ADGRB3: variants seen among roughly 807,000 people sequenced by gnomAD.
ADGRB3 encodes adhesion G protein-coupled receptor B3, also known as brain-specific angiogenesis inhibitor 3.
Under a neutral mutation model 193.4 loss-of-function variants are expected in ADGRB3, and 37 were observed. That is an observed-to-expected ratio of 0.19 (90% confidence interval 0.15 to 0.25). The LOEUF (loss-of-function observed/expected upper bound fraction) is 0.25. ADGRB3 is among the 10% of genes least tolerant of loss of function. The pLI is 1.00. For synonymous variants in ADGRB3, 690 were observed against 644.2 expected (o/e 1.07, Z -1.08); for missense variants, 1,637 against 1,852.9 (o/e 0.88, Z 2.14).
At chr6:69,327,673 C>A (rs938483605) in intron 21 of ADGRB3, 147 bp from the exon 22 acceptor site, 2 of 510,434 alleles carry the variant, frequency 3.9e-6, no homozygotes, top group South Asian at 6.2e-5. Flanking sequence ...TGAAAGAAAT[C>A]CTGTAATAGA....
At chr6:69,044,028 G>C (rs1046822865) in intron 13 of ADGRB3, among the ~76,000 whole-genome samples, 5 of 152,058 alleles carry the variant, frequency 3.3e-5, no homozygotes, top group African/African-American at 1.2e-4. Flanking sequence ...GCGACAGAGC[G>C]AGACTCCGTC....
chr6:69,266,798 G>GTA (rs1258416158), intron 20 of ADGRB3, among the ~76,000 whole-genome samples: 1 of 151,982 alleles, frequency 6.6e-6, no homozygotes, highest in Non-Finnish European at 1.5e-5. Context: ...GCATGCCATA[G>GTA]TAAACTACAT....
chr6:69,140,424 G>A (rs1041958248), intron 17 of ADGRB3, among the ~76,000 whole-genome samples: 1 of 152,120 alleles, frequency 6.6e-6, no homozygotes, highest in Non-Finnish European at 1.5e-5. Context: ...ATTTGTGGAA[G>A]CTAAAAATTA....
Position 68,638,716 on chromosome 6 carries a change from C to A in ADGRB3, c.41C>A (p.Thr14Asn), listed in dbSNP as rs763907015. 1.2e-6 allele frequency: 2 copies of A among 1,614,032 alleles called. No homozygotes were observed. The highest frequency in any genetic ancestry group is 1.1e-5 in the South Asian group (1 of 91,072). The change falls in exon 3 of 32, where the codon ACC becomes AAC. Residue 14 changes from threonine to asparagine, a missense_variant. Thr to Asn is a moderately conservative substitution (Grantham distance 65, BLOSUM62 0). Coordinates refer to ENST00000370598, the MANE Select transcript of ADGRB3 (RefSeq NM_001704.3). ...AACCTGCTGATTTATATATTTTCCA[C>A]CTATCTCCTGGTTATGTTTGGATTT... ...VRNLLIYIFS[T>N]YLLVMFGFNA...
chr6:69,220,301 T>C (rs192555668), intron 17 of ADGRB3, among the ~76,000 whole-genome samples: 3 of 152,288 alleles, frequency 2.0e-5, no homozygotes, highest in African/African-American at 7.2e-5. Flanking sequence ...TATTATCCAA[T>C]ACTTCTTCTG....
chr6:69,278,071 T>C (rs1767340218), intron 20 of ADGRB3, among the ~76,000 whole-genome samples: 1 of 152,232 alleles, frequency 6.6e-6, no homozygotes. Flanking sequence ...TTCTTCTTAT[T>C]GATTCTTTCT....
Position 68,638,996 on chromosome 6 carries a change from T to C in ADGRB3, c.321T>C (p.Ser107=). 1 of 1,613,674 alleles carries C rather than the reference T, an allele frequency of 6.2e-7. No homozygotes were observed. The highest frequency in any genetic ancestry group is 8.5e-7 in the Non-Finnish European group (1 of 1,179,906). Reference sequence around the variant, plus strand: ...AGGATCTTTTAAGAAAGAATCATTCTATAATGCAACTCTGCAATTCCAAGA... The same window carrying C: ...AGGATCTTTTAAGAAAGAATCATTCCATAATGCAACTCTGCAATTCCAAGA... ...KIKDLLRKNH[S]IMQLCNSKNA... The change falls in exon 3 of 32, where the codon TCT becomes TCC. Residue 107 remains serine (S), a synonymous_variant. Transcript: ENST00000370598.
At position 69,233,423 on chromosome 6, in the gene ADGRB3, A is replaced by T; in HGVS notation, c.2607+7A>T. The stretch of plus-strand genomic sequence containing the variant: ...TCAGCAACCTAGAGAAATAGTAAGT[A>T]ACAAAGGGAAAACACGGCTTTAACG... On this transcript the variant is annotated splice_region_variant and intron_variant, in intron 18 of 31. Transcript: ENST00000370598. The T allele has an allele frequency of 6.2e-7, 1 of 1,613,950 alleles. No individual in the cohort carries two copies.
At chr6:68,785,170 T>C (rs1373588107) in intron 3 of ADGRB3, among the ~76,000 whole-genome samples, 1 of 152,114 alleles carries the variant, frequency 6.6e-6, no homozygotes, top group Non-Finnish European at 1.5e-5. Context: ...TTTATTATTA[T>C]TGTACTTTAA....
At chr6:68,975,477 G>A in intron 10 of ADGRB3, 137 bp downstream of exon 10, 1 of 635,330 alleles carries the variant, frequency 1.6e-6, no homozygotes, top group South Asian at 2.7e-5. Flanking sequence ...AAAGCAATGT[G>A]ATAGAAAGCT....
intron 8 of ADGRB3, among the ~76,000 whole-genome samples, chr6:68,961,441 A>G (rs772053011): frequency 6.6e-6 from 1 of 152,190 alleles, no homozygotes; most frequent in Non-Finnish European, 1.5e-5. Context: ...GCTAATATAT[A>G]CACATACACT....
intron 3 of ADGRB3, among the ~76,000 whole-genome samples, chr6:68,661,400 CATATATATGTGTGTGT>C (rs1432747241): frequency 2.9e-4 from 9 of 30,976 alleles, no homozygotes; most frequent in African/African-American, 6.2e-4. Context: ...TGTGTGTATA[CATATATATGTGTGTGT>C]ATATATATGT....
At chr6:69,321,003 T>C (rs1329785850) in intron 20 of ADGRB3, among the ~76,000 whole-genome samples, 1 of 151,800 alleles carries the variant, frequency 6.6e-6, no homozygotes, top group Non-Finnish European at 1.5e-5. Flanking sequence ...TTCTGTGTCA[T>C]CCATGCATTA....
chr6:68,883,614 A>T (rs1004487365), intron 3 of ADGRB3, among the ~76,000 whole-genome samples: 3 of 151,806 alleles, frequency 2.0e-5, no homozygotes, highest in African/African-American at 7.2e-5. Flanking sequence ...GGAATGAACA[A>T]CTCCAGAGGC....
intron 26 of ADGRB3, among the ~76,000 whole-genome samples, chr6:69,349,186 C>G (rs1769171161): frequency 6.6e-6 from 1 of 152,204 alleles, no homozygotes; most frequent in Non-Finnish European, 1.5e-5. Flanking sequence ...GTGTATGACA[C>G]ATAATGTCCC....
intron 12 of ADGRB3, among the ~76,000 whole-genome samples, chr6:69,016,572 G>A (rs1770098767): frequency 6.6e-6 from 1 of 151,782 alleles, no homozygotes; most frequent in African/African-American, 2.4e-5. Context: ...CTTTATGACT[G>A]GAAGTAATTT....
intron 3 of ADGRB3, among the ~76,000 whole-genome samples, chr6:68,829,772 G>T (rs1207839284): frequency 6.6e-6 from 1 of 151,946 alleles, no homozygotes; most frequent in Non-Finnish European, 1.5e-5. Context: ...AAATTATTCA[G>T]GTTATTGATT....
At chr6:68,886,111 T>C (rs1288759057) in intron 3 of ADGRB3, among the ~76,000 whole-genome samples, 1 of 152,094 alleles carries the variant, frequency 6.6e-6, no homozygotes, top group Non-Finnish European at 1.5e-5. Context: ...AATTTGCTTG[T>C]TACAGTAATA....
chr6:69,360,840 TTTC>T (rs754667920), intron 28 of ADGRB3, 26 bp from the exon 29 acceptor site: 1 of 1,539,736 alleles, frequency 6.5e-7, no homozygotes, highest in South Asian at 1.3e-5. Context: ...ATTAACTCTC[TTTC>T]TTCAACTTTA....
Sources: allele counts gnomAD v4.1 joint callset (sites outside exome capture counted in the v4.1 genomes callset), GRCh38; gene constraint gnomAD v4.1.1; transcripts MANE v1.5; gene names NCBI Gene and HGNC (gene_info 2026-07-23, HGNC 2026-07-21).